ARL14EPL: variants seen among roughly 807,000 people sequenced by gnomAD.
ARL14EPL encodes ARF like GTPase 14 effector protein like.
In ARL14EPL, 17 loss-of-function variants were observed where a neutral mutation model predicts 15.9. That is an observed-to-expected ratio of 1.07 (90% confidence interval 0.73 to 1.60). ARL14EPL has a LOEUF of 1.60. ARL14EPL is among the 40% of genes most tolerant of loss of function. The pLI is 0.00. For missense variants in ARL14EPL, 214 were observed against 185.9 expected, an observed-to-expected ratio of 1.15 and a Z score of -0.88; for synonymous variants, 78 against 63.8, an observed-to-expected ratio of 1.22 and a Z score of -1.06.
At chr5:116,035,009 T>C (rs1749023580) in intron 1 of ARL14EPL, among the ~76,000 whole-genome samples, 1 of 152,214 alleles carries the variant, frequency 6.6e-6, no homozygotes, top group Admixed American at 6.5e-5. Context: ...TTCACCCAGA[T>C]GTCCTTATTC....
intron 1 of ARL14EPL, among the ~76,000 whole-genome samples, chr5:116,036,808 T>A (rs1749057131): frequency 6.6e-6 from 1 of 152,174 alleles, no homozygotes; most frequent in African/African-American, 2.4e-5. Context: ...ATGTTTAAAA[T>A]ACCAGAAATT....
At chr5:116,037,122 G>A (rs1269130701) in intron 1 of ARL14EPL, among the ~76,000 whole-genome samples, 1 of 152,154 alleles carries the variant, frequency 6.6e-6, no homozygotes, top group Non-Finnish European at 1.5e-5. Flanking sequence ...TCAGGTACAA[G>A]GGGTGGAGCT....
At chr5:116,046,038 C>G (rs901893403) in intron 1 of ARL14EPL, among the ~76,000 whole-genome samples, 2 of 152,270 alleles carry the variant, frequency 1.3e-5, no homozygotes, top group South Asian at 4.1e-4. Context: ...GGCGTCCTTT[C>G]TCTCTACCAG....
intron 1 of ARL14EPL, 197 bp from the exon 2 acceptor site, chr5:116,051,260 G>A (rs1343572792): frequency 4.2e-6 from 2 of 477,444 alleles, no homozygotes; most frequent in African/African-American, 2.0e-5. Context: ...CCCGGCAGAG[G>A]AGAGCCTCAG....
chr5:116,041,092 A>T (rs1422914329), intron 1 of ARL14EPL, among the ~76,000 whole-genome samples: 1 of 151,782 alleles, frequency 6.6e-6, no homozygotes, highest in Non-Finnish European at 1.5e-5. Context: ...GTTCTCATGT[A>T]TTCTCTTGTT....
Position 116,037,565 on chromosome 5 carries a change from CAA to C in ARL14EPL, c.-10+5061_-10+5062del, listed in dbSNP as rs559383213. ...CCTTCACATGGCATTCTTCAAGTAA[CAA>C]GAGTTTTTTTGTTTGTTTGTTTGTT... On this transcript the variant is annotated intron_variant, in intron 1 of 3. Transcript: ENST00000686077. Among the ~76,000 whole-genome samples, 3 of 152,244 alleles carry C rather than the reference CAA, an allele frequency of 2.0e-5. No homozygotes were observed. In the East Asian group the frequency reaches 5.8e-4, roughly 29 times the overall value.
intron 1 of ARL14EPL, among the ~76,000 whole-genome samples, chr5:116,037,259 A>G (rs1561575864): frequency 6.6e-6 from 1 of 152,324 alleles, no homozygotes; most frequent in South Asian, 2.1e-4. Context: ...GGTAATAACA[A>G]TGTTTGAAAC....
At chr5:116,046,732 T>C (rs1749274659) in intron 1 of ARL14EPL, among the ~76,000 whole-genome samples, 1 of 152,208 alleles carries the variant, frequency 6.6e-6, no homozygotes, top group African/African-American at 2.4e-5. Flanking sequence ...TGTTGGGTTA[T>C]TTCATTGTAG....
intron 1 of ARL14EPL, 172 bp from the exon 2 acceptor site, chr5:116,051,285 G>A (rs764790193): frequency 7.5e-6 from 4 of 530,722 alleles, no homozygotes; most frequent in South Asian, 2.8e-5. Flanking sequence ...GTGGTCTGGG[G>A]GAGTCAGAGG....
chr5:116,046,592 A>G (rs1749272551), intron 1 of ARL14EPL, among the ~76,000 whole-genome samples: 2 of 152,290 alleles, frequency 1.3e-5, no homozygotes, highest in African/African-American at 4.8e-5. Flanking sequence ...TCTGAGGCTT[A>G]AAAGTAAACA....
At chr5:116,040,335 T>G (rs1219520883) in intron 1 of ARL14EPL, among the ~76,000 whole-genome samples, 1 of 151,626 alleles carries the variant, frequency 6.6e-6, no homozygotes, top group Non-Finnish European at 1.5e-5. Flanking sequence ...AGAATTTATA[T>G]ACAATAATAG....
At chr5:116,042,909 T>G (rs1430842808) in intron 1 of ARL14EPL, among the ~76,000 whole-genome samples, 2 of 152,146 alleles carry the variant, frequency 1.3e-5, no homozygotes, top group African/African-American at 4.8e-5. Context: ...AACAATATAT[T>G]TTGGAAATTG....
chr5:116,057,521 A>G (rs1197126253), intron 3 of ARL14EPL, among the ~76,000 whole-genome samples: 3 of 152,126 alleles, frequency 2.0e-5, no homozygotes, highest in Non-Finnish European at 2.9e-5. Context: ...GACCTGTGGT[A>G]TAGGTTGATT....
In ARL14EPL at chr5:116,059,103, A is replaced by G. The variant is rs1423724653; in HGVS notation, c.*156A>G. The G allele has an allele frequency of 1.5e-6, 1 of 683,432 alleles. No individual in the cohort carries two copies. Among genetic ancestry groups the G allele is most frequent in the Non-Finnish European group, 2.4e-6 (1 of 412,732 alleles). 42.3% of individuals were successfully genotyped at this position (683,432 alleles called of 1,614,324 possible). A position where few individuals can be genotyped will look rare whatever the true frequency, so the allele number is the denominator to read the frequency against. On this transcript the variant is annotated 3_prime_UTR_variant, in exon 4 of 4. Transcript: ENST00000686077. ...CCAGAACAATGTAGAATGGGCAATA[A>G]TTCTGTAACCTTCTTAACTGTGTCA...
chr5:116,034,428 C>T (rs987309004), intron 1 of ARL14EPL, among the ~76,000 whole-genome samples: 29 of 152,186 alleles, frequency 1.9e-4, no homozygotes, highest in African/African-American at 6.3e-4. Flanking sequence ...TATTTATGAA[C>T]TCCTGTGAGA....
At chr5:116,035,498 C>T (rs556085397) in intron 1 of ARL14EPL, among the ~76,000 whole-genome samples, 5 of 152,028 alleles carry the variant, frequency 3.3e-5, no homozygotes, top group Admixed American at 6.5e-5. Flanking sequence ...TTTTTGACTG[C>T]GAACTGATTA....
At chr5:116,053,986 A>G in intron 2 of ARL14EPL, 28 bp from the exon 3 acceptor site, 1 of 1,505,672 alleles carries the variant, frequency 6.6e-7, no homozygotes, top group Non-Finnish European at 8.8e-7. Context: ...TCTGGTTCTT[A>G]CTATTAATAC....
Position 116,054,215 on chromosome 5 carries a change from C to T in ARL14EPL, c.236+62C>T, listed in dbSNP as rs533928743. The T allele has an allele frequency of 1.2e-4, 165 of 1,419,154 alleles. 2 individuals carry two copies. The Middle Eastern group carries it at 2.0e-3, about 17-fold the overall frequency. The allele number at this position is 1,419,154 out of a possible 1,614,324, so 87.9% of individuals were successfully genotyped here. A position where few individuals can be genotyped will look rare whatever the true frequency, so the allele number is the denominator to read the frequency against. ...TATGAAATGCATGAATTCTCCTTGA[C>T]AAAGCAATGAAAGATTCCCTCTTTT... On this transcript the variant is annotated intron_variant, in intron 3 of 3. Coordinates refer to ENST00000686077, the MANE Select transcript of ARL14EPL (RefSeq NM_001195581.2).
In ARL14EPL at chr5:116,056,613, T is replaced by C. The variant is rs1036570661; in HGVS notation, c.237-2112T>C. ...TCTGTAGGTTGCCTGTTCACTCTGATGGTAGTTTCTTTTGCTGTGCAGAAG... is the reference window on the plus strand; with the variant it reads ...TCTGTAGGTTGCCTGTTCACTCTGACGGTAGTTTCTTTTGCTGTGCAGAAG... On this transcript the variant is annotated intron_variant, in intron 3 of 3. Coordinates refer to ENST00000686077, the MANE Select transcript of ARL14EPL (RefSeq NM_001195581.2). Among the ~76,000 whole-genome samples, 81 of 152,308 alleles carry C rather than the reference T, an allele frequency of 5.3e-4. 2 individuals are homozygous for C. The highest frequency in any genetic ancestry group is 1.9e-3 in the African/African-American group (78 of 41,558).
Sources: gnomAD v4.1 joint callset for allele counts (sites outside exome capture counted in the v4.1 genomes callset) on GRCh38, gnomAD v4.1.1 for gene constraint, MANE v1.5 for transcripts, NCBI Gene and HGNC (gene_info 2026-07-23, HGNC 2026-07-21) for gene names.